FAM168A: variants seen among roughly 807,000 people sequenced by gnomAD.
FAM168A encodes the protein family with sequence similarity 168 member A, also known as protein FAM168A.
In FAM168A, 3 loss-of-function variants were observed where a neutral mutation model predicts 28.5. The observed-to-expected ratio is 0.11, with a 90% CI of 0.05 to 0.27. The LOEUF is 0.27. FAM168A is among the 10% of genes least tolerant of loss of function. The pLI, the probability that FAM168A is intolerant of heterozygous loss-of-function variation, is 1.00. For synonymous variants in FAM168A, 122 were observed against 124.2 expected, an observed-to-expected ratio of 0.98 and a Z score of 0.12; for missense variants, 222 against 311.5, an observed-to-expected ratio of 0.71 and a Z score of 2.16.
chr11:73,429,191 G>C (rs766550496), intron 3 of FAM168A, among the ~76,000 whole-genome samples: 7 of 151,924 alleles, frequency 4.6e-5, no homozygotes, highest in Non-Finnish European at 7.4e-5. Flanking sequence ...TCTCCTTTAA[G>C]TAAGCCCCAA....
chr11:73,433,401 C>A (rs1208078149), intron 2 of FAM168A, among the ~76,000 whole-genome samples: 1 of 151,174 alleles, frequency 6.6e-6, no homozygotes, highest in Non-Finnish European at 1.5e-5. Flanking sequence ...TCCAATTTAC[C>A]TATTTTTTTC....
intron 1 of FAM168A, among the ~76,000 whole-genome samples, chr11:73,492,375 G>T (rs1868140475): frequency 6.6e-6 from 1 of 152,202 alleles, no homozygotes; most frequent in African/African-American, 2.4e-5. Flanking sequence ...AGCCTGGCAT[G>T]GTGGTTTATG....
intron 1 of FAM168A, among the ~76,000 whole-genome samples, chr11:73,518,832 G>A (rs2134647815): frequency 6.6e-6 from 1 of 152,266 alleles, no homozygotes; most frequent in South Asian, 2.1e-4. Context: ...GGGAGGCAGA[G>A]GTTGCAGTGA....
chr11:73,463,564 A>G (rs1380444915), intron 2 of FAM168A, among the ~76,000 whole-genome samples: 1 of 152,214 alleles, frequency 6.6e-6, no homozygotes, highest in Non-Finnish European at 1.5e-5. Flanking sequence ...CCACAGCCCT[A>G]GAGTTTATGA....
intron 3 of FAM168A, among the ~76,000 whole-genome samples, chr11:73,427,415 T>G (rs904472604): frequency 6.6e-6 from 1 of 152,228 alleles, no homozygotes; most frequent in Non-Finnish European, 1.5e-5. Flanking sequence ...CAATCTCTTT[T>G]TTTCCCCTAC....
intron 2 of FAM168A, among the ~76,000 whole-genome samples, chr11:73,433,130 T>C (rs1370199609): frequency 1.4e-5 from 2 of 145,710 alleles, no homozygotes; most frequent in Admixed American, 1.4e-4. Context: ...CTCATTATGT[T>C]GCCCACACTG....
intron 1 of FAM168A, among the ~76,000 whole-genome samples, chr11:73,589,189 C>T (rs776354707): frequency 6.6e-6 from 1 of 152,084 alleles, no homozygotes; most frequent in Non-Finnish European, 1.5e-5. Flanking sequence ...CATAATGCTA[C>T]AAAAATTATG....
At position 73,486,944 on chromosome 11, in the gene FAM168A, G is replaced by A. The variant is rs149195878; in HGVS notation, c.-18-18452C>T. On this transcript the variant is annotated intron_variant, in intron 1 of 7. Coordinates refer to ENST00000356467, the MANE Select transcript of FAM168A (RefSeq NM_015159.3). The stretch of plus-strand genomic sequence containing the variant: ...TATGTACAAATATTTCTTATTACAA[G>A]TAGTATGTTTTCAGTATTAATAAAT... Among the ~76,000 whole-genome samples, 3 of 152,226 alleles carry A rather than the reference G, an allele frequency of 2.0e-5. No homozygotes were observed. In the East Asian group the frequency reaches 5.8e-4, roughly 29 times the overall value.
intron 1 of FAM168A, among the ~76,000 whole-genome samples, chr11:73,474,426 C>T (rs892223200): frequency 3.3e-5 from 5 of 152,032 alleles, no homozygotes; most frequent in Non-Finnish European, 7.4e-5. Flanking sequence ...CAGCTTCAAA[C>T]TGCTGGGCTC....
At chr11:73,579,974 G>T (rs1187118936) in intron 1 of FAM168A, among the ~76,000 whole-genome samples, 1 of 152,094 alleles carries the variant, frequency 6.6e-6, no homozygotes, top group Non-Finnish European at 1.5e-5. Context: ...AAGTTTCATG[G>T]ATCTGAACTT....
At chr11:73,546,943 T>C (rs1471508063) in intron 1 of FAM168A, among the ~76,000 whole-genome samples, 1 of 151,614 alleles carries the variant, frequency 6.6e-6, no homozygotes, top group Non-Finnish European at 1.5e-5. Context: ...AACAAAACAA[T>C]TACAATTTTA....
intron 1 of FAM168A, among the ~76,000 whole-genome samples, chr11:73,533,519 G>A (rs1943541032): frequency 6.6e-6 from 1 of 151,572 alleles, no homozygotes; most frequent in Admixed American, 6.6e-5. Context: ...AGTAAGAAAG[G>A]AGAACCATAT....
intron 1 of FAM168A, among the ~76,000 whole-genome samples, chr11:73,512,302 T>C (rs1001500759): frequency 6.6e-6 from 1 of 152,172 alleles, no homozygotes; most frequent in African/African-American, 2.4e-5. Context: ...ACATTTTTTA[T>C]GAGAAAACTG....
At chr11:73,581,044 C>A (rs11235812) in intron 1 of FAM168A, among the ~76,000 whole-genome samples, 12,571 of 152,306 alleles carry the variant, frequency 0.083, 704 homozygotes, top group South Asian at 0.17. Context: ...CAGGTAAATT[C>A]TGTCACTTTC....
intron 2 of FAM168A, among the ~76,000 whole-genome samples, chr11:73,439,897 T>C (rs988223392): frequency 1.3e-5 from 2 of 149,430 alleles, no homozygotes; most frequent in African/African-American, 5.0e-5. Context: ...TTTTTTTTTT[T>C]TTTTTGAGTC....
intron 1 of FAM168A, among the ~76,000 whole-genome samples, chr11:73,579,687 T>C (rs1019769208): frequency 6.6e-6 from 1 of 152,244 alleles, no homozygotes; most frequent in Non-Finnish European, 1.5e-5. Flanking sequence ...TGGTAAGCAA[T>C]TTATCCAGTT....
chr11:73,461,606 G>C (rs1867648197), intron 2 of FAM168A, among the ~76,000 whole-genome samples: 6 of 152,174 alleles, frequency 3.9e-5, no homozygotes. Flanking sequence ...TACCTGAATG[G>C]TAAGGTCATA....
In FAM168A at chr11:73,563,894, TACTG is replaced by T. The variant is rs369274577; in HGVS notation, c.-19+34025_-19+34028del. 5.2e-4 allele frequency among the ~76,000 whole-genome samples: 79 copies of T among 152,332 alleles called. 2 individuals are homozygous for T. Among genetic ancestry groups the T allele is most frequent in the Admixed American group, 2.9e-3 (44 of 15,302 alleles). On this transcript the variant is annotated intron_variant, in intron 1 of 7. Transcript: ENST00000356467. ...AACTGGTTTAAGCAAAAAGCCTAAT[TACTG>T]ACTTAATTAACTGAGGCCCAAGATT...
At chr11:73,460,881 G>T (rs1289962787) in intron 2 of FAM168A, among the ~76,000 whole-genome samples, 1 of 152,156 alleles carries the variant, frequency 6.6e-6, no homozygotes, top group East Asian at 1.9e-4. Flanking sequence ...GGAAATGACC[G>T]AAGATAAGAG....
Sources: gnomAD v4.1 joint callset for allele counts (sites outside exome capture counted in the v4.1 genomes callset) on GRCh38, gnomAD v4.1.1 for gene constraint, MANE v1.5 for transcripts, NCBI Gene and HGNC (gene_info 2026-07-23, HGNC 2026-07-21) for gene names.